The following CHIC2 variants were observed in gnomAD, a reference collection of about 807,000 sequenced individuals.
CHIC2 encodes the protein cysteine-rich hydrophobic domain-containing protein 2.
Under a neutral mutation model 25.9 loss-of-function variants are expected in CHIC2, and 14 were observed. The ratio of observed to expected loss-of-function variants is 0.54; its 90% CI spans 0.36 to 0.85. The LOEUF is 0.85. CHIC2 is among the 40% of genes least tolerant of loss of function. The pLI, the probability that CHIC2 is intolerant of heterozygous loss-of-function variation, is 0.01. For synonymous variants in CHIC2, 70 were observed against 72.0 expected, an observed-to-expected ratio of 0.97 and a Z score of 0.14; for missense variants, 146 against 202.0, an observed-to-expected ratio of 0.72 and a Z score of 1.68.
intron 3 of CHIC2, among the ~76,000 whole-genome samples, chr4:54,015,342 A>G (rs1715708010): frequency 6.6e-6 from 1 of 152,106 alleles, no homozygotes; most frequent in Non-Finnish European, 1.5e-5. Context: ...TTTTGGCAAG[A>G]ATTTTAAAGA....
chr4:54,012,576 AT>A (rs774450284), intron 5 of CHIC2, among the ~76,000 whole-genome samples: 2 of 152,150 alleles, frequency 1.3e-5, no homozygotes, highest in South Asian at 2.1e-4. Flanking sequence ...TGTAGTAAAT[AT>A]TTTTTTCACT....
chr4:54,091,111 C>A, the CHIC2 span, among the ~76,000 whole-genome samples: 3 of 152,014 alleles, frequency 2.0e-5, no homozygotes, highest in Non-Finnish European at 4.4e-5. Flanking sequence ...ATACTGGGGG[C>A]AGGTGAAAGG....
chr4:54,031,294 G>A (rs1266908055), intron 3 of CHIC2, among the ~76,000 whole-genome samples: 2 of 151,868 alleles, frequency 1.3e-5, no homozygotes, highest in African/African-American at 2.4e-5. Context: ...ACAGCAGTAG[G>A]AGCTCCTATT....
At chr4:54,042,915 G>A (rs530614014) in intron 3 of CHIC2, among the ~76,000 whole-genome samples, 2 of 152,244 alleles carry the variant, frequency 1.3e-5, no homozygotes, top group East Asian at 3.9e-4. Context: ...TTTTATAACA[G>A]AAATCAAGGG....
At chr4:54,051,655 A>G (rs1560396040) in intron 1 of CHIC2, among the ~76,000 whole-genome samples, 1 of 152,056 alleles carries the variant, frequency 6.6e-6, no homozygotes, top group Non-Finnish European at 1.5e-5. Context: ...CCATCTCTCA[A>G]TGGAGGAAAG....
chr4:54,051,489 T>C (rs928981927), intron 1 of CHIC2, among the ~76,000 whole-genome samples: 1 of 152,126 alleles, frequency 6.6e-6, no homozygotes, highest in African/African-American at 2.4e-5. Context: ...TTGTTGTGCC[T>C]GTCTTTAGGT....
chr4:54,052,993 T>A (rs1717054647), intron 1 of CHIC2, among the ~76,000 whole-genome samples: 1 of 152,182 alleles, frequency 6.6e-6, no homozygotes. Context: ...TATCTCAATA[T>A]AACAGAATAT....
chr4:54,014,467 A>C (rs572847353), intron 3 of CHIC2, among the ~76,000 whole-genome samples: 114 of 152,264 alleles, frequency 7.5e-4, no homozygotes, highest in African/African-American at 2.5e-3. Flanking sequence ...TCCTTAATAC[A>C]TATTTTAAAA....
At chr4:54,028,995 C>A (rs1275213367) in intron 3 of CHIC2, among the ~76,000 whole-genome samples, 1 of 152,054 alleles carries the variant, frequency 6.6e-6, no homozygotes, top group Non-Finnish European at 1.5e-5. Context: ...TGGTGGTGTG[C>A]ACCTATAGCC....
At chr4:54,027,311 A>G (rs926064091) in intron 3 of CHIC2, among the ~76,000 whole-genome samples, 1 of 152,208 alleles carries the variant, frequency 6.6e-6, no homozygotes, top group African/African-American at 2.4e-5. Flanking sequence ...GCATTCTAGC[A>G]TATCTTTACA....
intron 1 of CHIC2, among the ~76,000 whole-genome samples, chr4:54,050,093 G>A (rs775863069): frequency 2.0e-5 from 3 of 152,090 alleles, no homozygotes; most frequent in Non-Finnish European, 4.4e-5. Flanking sequence ...TTGGAGAACA[G>A]AGAATTCATT....
At chr4:54,086,612 T>C in the CHIC2 span, among the ~76,000 whole-genome samples, 2 of 151,920 alleles carry the variant, frequency 1.3e-5, no homozygotes, top group Non-Finnish European at 2.9e-5. Context: ...GAGAAAAAAA[T>C]AGAGCATGGA....
At chr4:54,037,107 G>A (rs1170036728) in intron 3 of CHIC2, among the ~76,000 whole-genome samples, 3 of 152,154 alleles carry the variant, frequency 2.0e-5, no homozygotes, top group Admixed American at 1.3e-4. Flanking sequence ...GCTCACACCT[G>A]TAATCCCAGC....
chr4:54,039,020 G>A (rs1012131487), intron 3 of CHIC2, among the ~76,000 whole-genome samples: 1 of 152,014 alleles, frequency 6.6e-6, no homozygotes, highest in Admixed American at 6.6e-5. Context: ...AAGGGAAAAA[G>A]GATAGTCTTC....
At chr4:54,090,628 A>G in the CHIC2 span, among the ~76,000 whole-genome samples, 1 of 152,290 alleles carries the variant, frequency 6.6e-6, no homozygotes, top group East Asian at 1.9e-4. Context: ...AGTGCTAAGT[A>G]TGTGCAAGGC....
At chr4:54,046,401 T>C (rs913372640) in intron 3 of CHIC2, among the ~76,000 whole-genome samples, 1 of 152,044 alleles carries the variant, frequency 6.6e-6, no homozygotes, top group African/African-American at 2.4e-5. Context: ...CTTCAAACTA[T>C]ACTACAAGGA....
At chr4:54,070,919 G>T in the CHIC2 span, among the ~76,000 whole-genome samples, 1 of 152,140 alleles carries the variant, frequency 6.6e-6, no homozygotes, top group Non-Finnish European at 1.5e-5. Flanking sequence ...CCAAGAGTGG[G>T]CATCTGACCT....
At chr4:54,025,890 CAAG>C (rs1055720641) in intron 3 of CHIC2, among the ~76,000 whole-genome samples, 2 of 148,602 alleles carry the variant, frequency 1.3e-5, no homozygotes, top group African/African-American at 4.9e-5. Context: ...TTTTAAAAAA[CAAG>C]AAGAAAGGGG....
chr4:54,080,176 G>GTA, the CHIC2 span, among the ~76,000 whole-genome samples: 1 of 130,554 alleles, frequency 7.7e-6, no homozygotes, highest in South Asian at 2.2e-4. Flanking sequence ...ATATATATGT[G>GTA]TATATATATG....
Sources: gnomAD v4.1 joint callset for allele counts (sites outside exome capture counted in the v4.1 genomes callset) on GRCh38, gnomAD v4.1.1 for gene constraint, MANE v1.5 for transcripts, NCBI Gene and HGNC (gene_info 2026-07-23, HGNC 2026-07-21) for gene names.